Variants in KLRG1 observed in about 807,000 individuals in gnomAD.
KLRG1 encodes the protein killer cell lectin like receptor G1.
Under a neutral mutation model 21.8 loss-of-function variants are expected in KLRG1, and 16 were observed. That is an observed-to-expected ratio of 0.73 (90% CI 0.50 to 1.11). The LOEUF (loss-of-function observed/expected upper bound fraction) is 1.11, where lower values mean the gene tolerates loss of function less well. Among genes scored for constraint, KLRG1 ranks in the 50% most tolerant of loss-of-function variants. The pLI, the probability that KLRG1 is intolerant of heterozygous loss-of-function variation, is 0.00. For missense variants in KLRG1, 173 were observed against 218.3 expected, an observed-to-expected ratio of 0.79 and a Z score of 1.31; for synonymous variants, 69 against 75.9, an observed-to-expected ratio of 0.91 and a Z score of 0.47.
chr12:9,116,982 G>C, the KLRG1 span, among the ~76,000 whole-genome samples: 2 of 152,114 alleles, frequency 1.3e-5, no homozygotes, highest in African/African-American at 4.8e-5. Context: ...GAGCACATAA[G>C]AGAGCACATA....
the KLRG1 span, among the ~76,000 whole-genome samples, chr12:9,022,941 G>T: frequency 6.6e-6 from 1 of 152,200 alleles, no homozygotes; most frequent in Non-Finnish European, 1.5e-5. Context: ...GAAAATCTGT[G>T]CCCCTTCTCA....
At chr12:9,073,402 CA>C in the KLRG1 span, among the ~76,000 whole-genome samples, 1 of 152,176 alleles carries the variant, frequency 6.6e-6, no homozygotes, top group African/African-American at 2.4e-5. Context: ...GATTTAATGA[CA>C]TTTTTATTTG....
the KLRG1 span, among the ~76,000 whole-genome samples, chr12:9,032,322 A>C: frequency 6.6e-6 from 1 of 152,334 alleles, no homozygotes; most frequent in East Asian, 1.9e-4. Context: ...TGGTCTAAGG[A>C]CAATTACCAA....
At chr12:9,169,346 T>G in the KLRG1 span, 1 of 1,279,384 alleles carries the variant, frequency 7.8e-7, no homozygotes, top group Non-Finnish European at 1.1e-6. Context: ...GCTACATAAT[T>G]ACTAAGATTA....
the KLRG1 span, among the ~76,000 whole-genome samples, chr12:9,185,363 C>T: frequency 6.6e-6 from 1 of 152,092 alleles, no homozygotes; most frequent in Non-Finnish European, 1.5e-5. Context: ...TGCAATACAA[C>T]AGTCAGACAA....
intron 1 of KLRG1, among the ~76,000 whole-genome samples, chr12:8,956,678 C>G (rs1486938920): frequency 2.6e-5 from 4 of 152,172 alleles, no homozygotes; most frequent in Admixed American, 2.6e-4. Context: ...AACTCCTGAC[C>G]TCACGTAATT....
At chr12:8,978,222 G>A (rs1409447626) in intron 1 of KLRG1, among the ~76,000 whole-genome samples, 2 of 152,144 alleles carry the variant, frequency 1.3e-5, no homozygotes, top group African/African-American at 4.8e-5. Context: ...TTGCTGTTTA[G>A]CATGTTTCAA....
chr12:9,116,135 G>T, the KLRG1 span: 1 of 396,628 alleles, frequency 2.5e-6, no homozygotes, highest in East Asian at 5.8e-5. Flanking sequence ...CACTTTTACC[G>T]TACAGCAGCT....
At chr12:9,196,538 G>C in the KLRG1 span, 2 of 1,575,242 alleles carry the variant, frequency 1.3e-6, no homozygotes, top group Admixed American at 3.3e-5. Flanking sequence ...GTAAACTATT[G>C]TTTTATTTCC....
chr12:9,078,318 GC>G, the KLRG1 span, among the ~76,000 whole-genome samples: 2 of 152,170 alleles, frequency 1.3e-5, no homozygotes, highest in African/African-American at 4.8e-5. Flanking sequence ...GTGTTAGTTT[GC>G]TGAGGCTGAT....
chr12:8,960,195 CA>C (rs2137212509), intron 1 of KLRG1, among the ~76,000 whole-genome samples: 1 of 152,300 alleles, frequency 6.6e-6, no homozygotes, highest in East Asian at 1.9e-4. Context: ...ATCCAAGGTG[CA>C]GTGCAGGAAG....
chr12:8,961,802 C>T (rs1452047925), intron 1 of KLRG1, among the ~76,000 whole-genome samples: 1 of 152,128 alleles, frequency 6.6e-6, no homozygotes, highest in East Asian at 1.9e-4. Flanking sequence ...AATTGCCACA[C>T]AAGCCAGGTG....
chr12:9,041,921 A>G, the KLRG1 span, among the ~76,000 whole-genome samples: 1 of 152,238 alleles, frequency 6.6e-6, no homozygotes, highest in Non-Finnish European at 1.5e-5. Context: ...GACTGGTACT[A>G]TGAAAGGCTG....
chr12:8,965,211 C>T (rs1946448070), intron 1 of KLRG1, among the ~76,000 whole-genome samples: 1 of 152,150 alleles, frequency 6.6e-6, no homozygotes, highest in South Asian at 2.1e-4. Context: ...CTATCTATGA[C>T]AAACCCACAG....
At chr12:9,114,924 A>G in the KLRG1 span, among the ~76,000 whole-genome samples, 1 of 152,234 alleles carries the variant, frequency 6.6e-6, no homozygotes, top group South Asian at 2.1e-4. Flanking sequence ...ATATAAAATT[A>G]AAATACTTTT....
chr12:8,963,232 A>G (rs1198237771), intron 1 of KLRG1, among the ~76,000 whole-genome samples: 1 of 152,222 alleles, frequency 6.6e-6, no homozygotes, highest in Non-Finnish European at 1.5e-5. Flanking sequence ...ACACATGCTG[A>G]GAGAATTCAT....
At chr12:9,152,121 C>A in the KLRG1 span, 2 of 919,126 alleles carry the variant, frequency 2.2e-6, no homozygotes, top group Non-Finnish European at 1.8e-6. Context: ...TTTTTTGAGG[C>A]AGGATGATGT....
the KLRG1 span, chr12:9,160,510 A>G: frequency 5.6e-6 from 9 of 1,602,462 alleles, no homozygotes; most frequent in Non-Finnish European, 6.8e-6. Flanking sequence ...GTGAAAGATT[A>G]GATGTCAGAA....
At chr12:9,196,826 A>G in the KLRG1 span, 1 of 795,762 alleles carries the variant, frequency 1.3e-6, no homozygotes, top group East Asian at 2.6e-5. Flanking sequence ...TAATACTCAT[A>G]TCTGCTTTGT....
Sources: gnomAD v4.1 joint callset for allele counts (sites outside exome capture counted in the v4.1 genomes callset) on GRCh38, gnomAD v4.1.1 for gene constraint, MANE v1.5 for transcripts, NCBI Gene and HGNC (gene_info 2026-07-23, HGNC 2026-07-21) for gene names.